The following MAPK10 variants were observed in gnomAD, a reference collection of about 807,000 sequenced individuals.
MAPK10 encodes JNK3 alpha protein kinase.
In MAPK10, 25 loss-of-function variants were observed where a neutral mutation model predicts 59.3. The ratio of observed to expected loss-of-function variants is 0.42; its 90% CI spans 0.31 to 0.59. MAPK10 has a LOEUF of 0.59. Among genes scored for constraint, MAPK10 ranks in the 20% least tolerant of loss-of-function variants. The pLI is 0.15. For missense variants in MAPK10, 351 were observed against 568.9 expected, an observed-to-expected ratio of 0.62 and a Z score of 3.90; for synonymous variants, 190 against 200.5, an observed-to-expected ratio of 0.95 and a Z score of 0.44.
intron 4 of MAPK10, among the ~76,000 whole-genome samples, chr4:86,119,101 T>G (rs1361953787): frequency 1.3e-5 from 2 of 152,192 alleles, no homozygotes; most frequent in East Asian, 3.8e-4. Flanking sequence ...CTGTACAAGT[T>G]TGGTTATATT....
At chr4:86,510,742 G>A (rs1253592493) in intron 1 of MAPK10, among the ~76,000 whole-genome samples, 2 of 152,092 alleles carry the variant, frequency 1.3e-5, no homozygotes, top group African/African-American at 4.8e-5. Flanking sequence ...CAGCAACATA[G>A]GTGGAACTGC....
chr4:86,147,352 A>G (rs2065251225), intron 4 of MAPK10, among the ~76,000 whole-genome samples: 1 of 152,048 alleles, frequency 6.6e-6, no homozygotes, highest in Non-Finnish European at 1.5e-5. Flanking sequence ...AGCCTCCCAA[A>G]TGTCTTTTTC....
intron 1 of MAPK10, among the ~76,000 whole-genome samples, chr4:86,587,392 T>C (rs1458655788): frequency 6.6e-6 from 1 of 152,226 alleles, no homozygotes; most frequent in Non-Finnish European, 1.5e-5. Context: ...CTGAAGGTAA[T>C]TCTAGTCCTA....
At chr4:86,419,930 C>T (rs969614082) in intron 1 of MAPK10, among the ~76,000 whole-genome samples, 1 of 152,184 alleles carries the variant, frequency 6.6e-6, no homozygotes, top group Admixed American at 6.5e-5. Context: ...ATCATTGTAG[C>T]TCCTGTATCT....
chr4:86,551,134 C>T (rs781484256), intron 1 of MAPK10, among the ~76,000 whole-genome samples: 20 of 152,168 alleles, frequency 1.3e-4, no homozygotes, highest in Non-Finnish European at 2.1e-4. Flanking sequence ...TGACCTCACT[C>T]TTCTAATATT....
intron 1 of MAPK10, among the ~76,000 whole-genome samples, chr4:86,465,123 A>G (rs1381703678): frequency 6.6e-6 from 1 of 152,220 alleles, no homozygotes; most frequent in African/African-American, 2.4e-5. Context: ...TCTTTGGCAA[A>G]TGGATGTCAC....
chr4:86,507,295 C>T (rs1336383589), intron 1 of MAPK10, among the ~76,000 whole-genome samples: 1 of 151,624 alleles, frequency 6.6e-6, no homozygotes, highest in Non-Finnish European at 1.5e-5. Flanking sequence ...TAATAAAATA[C>T]CAGTTCTAAG....
chr4:86,182,139 A>T (rs895583429), intron 3 of MAPK10, among the ~76,000 whole-genome samples: 1 of 152,096 alleles, frequency 6.6e-6, no homozygotes, highest in African/African-American at 2.4e-5. Context: ...AACATTACAA[A>T]GAAAAATTTC....
intron 1 of MAPK10, among the ~76,000 whole-genome samples, chr4:86,375,830 C>T (rs1739719977): frequency 6.6e-6 from 1 of 151,792 alleles, no homozygotes; most frequent in Non-Finnish European, 1.5e-5. Flanking sequence ...TACCTCCTTC[C>T]CTTATGTGTG....
chr4:86,159,727 A>C (rs1479034159), intron 3 of MAPK10, among the ~76,000 whole-genome samples: 1 of 152,052 alleles, frequency 6.6e-6, no homozygotes, highest in Non-Finnish European at 1.5e-5. Flanking sequence ...TTTGATTCAC[A>C]TAATCTTTTC....
intron 2 of MAPK10, among the ~76,000 whole-genome samples, chr4:86,207,071 T>C (rs1450024546): frequency 2.6e-5 from 4 of 151,460 alleles, no homozygotes; most frequent in African/African-American, 2.4e-5. Context: ...TTTGTCAATT[T>C]TGTCTTTTGT....
intron 2 of MAPK10, among the ~76,000 whole-genome samples, chr4:86,277,978 A>G (rs1336861157): frequency 6.6e-6 from 1 of 152,046 alleles, no homozygotes; most frequent in Non-Finnish European, 1.5e-5. Context: ...TATATCACAA[A>G]GTATAACATC....
intron 9 of MAPK10, among the ~76,000 whole-genome samples, chr4:86,086,205 T>C (rs2051796839): frequency 6.6e-6 from 1 of 151,868 alleles, no homozygotes; most frequent in African/African-American, 2.4e-5. Context: ...ATCAAAACAA[T>C]TGAACTCATC....
At chr4:86,250,659 T>C (rs926772486) in intron 2 of MAPK10, among the ~76,000 whole-genome samples, 1 of 152,120 alleles carries the variant, frequency 6.6e-6, no homozygotes, top group East Asian at 1.9e-4. Context: ...TTATTTATTA[T>C]GGAATCAAGA....
chr4:86,407,760 G>A (rs962391509), intron 1 of MAPK10, among the ~76,000 whole-genome samples: 13 of 151,420 alleles, frequency 8.6e-5, no homozygotes, highest in South Asian at 4.2e-4. Flanking sequence ...GAAAGAAAAC[G>A]TTTTTTGAAT....
chr4:86,553,171 AAGTATTTACCT>A (rs1435175778), intron 1 of MAPK10, among the ~76,000 whole-genome samples: 1 of 152,158 alleles, frequency 6.6e-6, no homozygotes, highest in Non-Finnish European at 1.5e-5. Flanking sequence ...CTCCCCAGGG[AAGTATTTACCT>A]AGTAGTAAAT....
intron 11 of MAPK10, among the ~76,000 whole-genome samples, chr4:86,040,537 G>C (rs1273154456): frequency 3.9e-5 from 6 of 152,232 alleles, no homozygotes; most frequent in East Asian, 3.9e-4. Context: ...AGAAGAGAAA[G>C]ACAAAGGGGT....
chr4:86,165,113 CCAGT>C (rs1459051433), intron 3 of MAPK10, among the ~76,000 whole-genome samples: 1 of 152,126 alleles, frequency 6.6e-6, no homozygotes, highest in Non-Finnish European at 1.5e-5. Context: ...GGAAAATTAG[CCAGT>C]CAATCTGCTG....
At chr4:86,212,379 G>A (rs950614578) in intron 2 of MAPK10, among the ~76,000 whole-genome samples, 4 of 152,060 alleles carry the variant, frequency 2.6e-5, no homozygotes, top group Admixed American at 2.0e-4. Flanking sequence ...AAAATTAGCT[G>A]GGTATGGTGG....
Sources: gnomAD v4.1 joint callset for allele counts (sites outside exome capture counted in the v4.1 genomes callset) on GRCh38, gnomAD v4.1.1 for gene constraint, MANE v1.5 for transcripts, NCBI Gene and HGNC (gene_info 2026-07-23, HGNC 2026-07-21) for gene names.